The following PLEKHD1 variants were observed in gnomAD, a reference collection of about 807,000 sequenced individuals.
PLEKHD1 encodes pleckstrin homology domain-containing family D member 1.
In PLEKHD1, 51 loss-of-function variants were observed where a neutral mutation model predicts 69.2. That is an observed-to-expected ratio of 0.74 (90% CI 0.59 to 0.93). PLEKHD1 has a LOEUF of 0.93. Among genes scored for constraint, PLEKHD1 ranks in the 40% least tolerant of loss-of-function variants. The pLI is 0.00. For synonymous variants in PLEKHD1, 236 were observed against 244.7 expected (o/e 0.96, Z 0.33); for missense variants, 584 against 641.0 (o/e 0.91, Z 0.96).
chr14:69,517,885 C>T (rs1403138733), intron 6 of PLEKHD1, among the ~76,000 whole-genome samples: 1 of 152,154 alleles, frequency 6.6e-6, no homozygotes. Context: ...TACATAGAAC[C>T]ATGTCCCTGT....
intron 1 of PLEKHD1, among the ~76,000 whole-genome samples, chr14:69,487,547 G>C (rs1882681767): frequency 6.6e-6 from 1 of 151,750 alleles, no homozygotes; most frequent in South Asian, 2.1e-4. Context: ...TGGCCAGCTG[G>C]GTTCTATAAA....
upstream of PLEKHD1, among the ~76,000 whole-genome samples, chr14:69,483,280 C>T (rs913418971): frequency 6.6e-6 from 1 of 151,468 alleles, no homozygotes; most frequent in Non-Finnish European, 1.5e-5. Flanking sequence ...TAGCTAGAGT[C>T]ATAAAATGGG....
At chr14:69,468,436 T>G in the PLEKHD1 span, among the ~76,000 whole-genome samples, 1 of 152,216 alleles carries the variant, frequency 6.6e-6, no homozygotes, top group Non-Finnish European at 1.5e-5. Context: ...CCCTCAAATT[T>G]CAACTGTAAT....
intron 6 of PLEKHD1, among the ~76,000 whole-genome samples, chr14:69,506,777 C>G (rs61982435): frequency 6.6e-6 from 1 of 151,714 alleles, no homozygotes; most frequent in Admixed American, 6.6e-5. Flanking sequence ...TGTTGTACAT[C>G]CTCTGGATTT....
chr14:69,509,822 C>T (rs1268424400), intron 6 of PLEKHD1, among the ~76,000 whole-genome samples: 1 of 151,942 alleles, frequency 6.6e-6, no homozygotes, highest in Admixed American at 6.6e-5. Flanking sequence ...CCTGTAATCC[C>T]AGCTACTCAG....
In PLEKHD1 at chr14:69,527,883, C is replaced by G. The variant is rs762694161; in HGVS notation, c.1302C>G (p.Ile434Met). ...TCCATAAGGCAGCCACTCGCCGCAT[C>G]AAGAGCTGCCGCTTCCACCGACGCC... The part of the protein sequence containing the change: ...VYIHKAATRR[I>M]KSCRFHRRRS... Residue 434 changes from isoleucine (I) to methionine (M), a missense_variant, in exon 12 of 13, where the codon ATC becomes ATG. Transcript: ENST00000322564. 4 of 1,551,366 alleles carry G rather than the reference C, an allele frequency of 2.6e-6. No individual in the cohort carries two copies. Among genetic ancestry groups the G allele is most frequent in the East Asian group, 2.4e-5 (1 of 40,938 alleles).
upstream of PLEKHD1, among the ~76,000 whole-genome samples, chr14:69,482,864 T>G (rs2139485742): frequency 7.1e-6 from 1 of 141,004 alleles, no homozygotes. Flanking sequence ...AAGACCAGCC[T>G]GGGCAACATA....
At chr14:69,508,819 C>A (rs1883208836) in intron 6 of PLEKHD1, among the ~76,000 whole-genome samples, 1 of 152,168 alleles carries the variant, frequency 6.6e-6, no homozygotes, top group South Asian at 2.1e-4. Context: ...TCACAGCAAG[C>A]TTGTGAGACT....
At chr14:69,472,358 G>T in the PLEKHD1 span, among the ~76,000 whole-genome samples, 8 of 152,212 alleles carry the variant, frequency 5.3e-5, no homozygotes, top group Non-Finnish European at 8.8e-5. Context: ...TGTCTGGAAT[G>T]CTCTTCCCCC....
At chr14:69,491,882 A>C (rs1673296616) in intron 1 of PLEKHD1, among the ~76,000 whole-genome samples, 1 of 152,172 alleles carries the variant, frequency 6.6e-6, no homozygotes, top group Non-Finnish European at 1.5e-5. Context: ...GTGTCATCCC[A>C]GTTCCTGCTC....
At chr14:69,502,955 G>A (rs1270312067) in intron 6 of PLEKHD1, 76 bp downstream of exon 6, 5 of 1,511,884 alleles carry the variant, frequency 3.3e-6, no homozygotes, top group Non-Finnish European at 4.5e-6. Context: ...ATGATGCAGG[G>A]GAGCTGGGTG....
chr14:69,488,110 C>T (rs1481640621), intron 1 of PLEKHD1, among the ~76,000 whole-genome samples: 7 of 152,156 alleles, frequency 4.6e-5, no homozygotes, highest in Non-Finnish European at 1.0e-4. Flanking sequence ...TGCAGAGCAT[C>T]GGTGGGTCCC....
intron 6 of PLEKHD1, 78 bp from the exon 7 acceptor site, chr14:69,522,205 T>C: frequency 1.5e-6 from 2 of 1,342,338 alleles, no homozygotes; most frequent in South Asian, 1.3e-5. Context: ...AGAGGGTCCC[T>C]TGGGATAGAG....
intron 7 of PLEKHD1, among the ~76,000 whole-genome samples, chr14:69,523,815 T>G (rs73281449): frequency 0.02 from 2,970 of 152,218 alleles, 109 homozygotes; most frequent in African/African-American, 0.069. Flanking sequence ...GACTGAAGCT[T>G]GTGAAGAAGG....
intron 7 of PLEKHD1, 27 bp from the exon 8 acceptor site, chr14:69,524,202 G>A (rs1464449419): frequency 6.6e-7 from 1 of 1,525,662 alleles, no homozygotes; most frequent in Non-Finnish European, 8.9e-7. Flanking sequence ...AGTGGGCACT[G>A]CCATACCCAG....
chr14:69,513,252 TAAAA>T (rs1318327255), intron 6 of PLEKHD1, among the ~76,000 whole-genome samples: 5 of 148,026 alleles, frequency 3.4e-5, no homozygotes, highest in Non-Finnish European at 7.4e-5. Context: ...AATAATAAAA[TAAAA>T]TAAAATAAAA....
chr14:69,470,152 C>CT, the PLEKHD1 span, among the ~76,000 whole-genome samples: 2 of 152,010 alleles, frequency 1.3e-5, no homozygotes, highest in Non-Finnish European at 2.9e-5. Flanking sequence ...ACAAAGAAAA[C>CT]TAAGACAGGC....
chr14:69,484,808 T>C lies in PLEKHD1; in HGVS notation c.-158T>C. 2 of 822,364 alleles carry C rather than the reference T, an allele frequency of 2.4e-6. No individual in the cohort carries two copies. Among genetic ancestry groups the C allele is most frequent in the Non-Finnish European group, 3.6e-6 (2 of 549,508 alleles). The allele number at this position is 822,364 out of a possible 1,614,324, so 50.9% of individuals were successfully genotyped here. On this transcript the variant is annotated 5_prime_UTR_variant, in exon 1 of 13. Transcript: ENST00000322564. ...TGCGCCCCCTTGGTGCCGCGTCCAG[T>C]GCCCAGCGCGCTTTGATGCTGCAGC...
At chr14:69,499,228 C>G in intron 1 of PLEKHD1, among the ~76,000 whole-genome samples, 1 of 1,144 alleles carries the variant, frequency 8.7e-4, no homozygotes, top group Non-Finnish European at 3.2e-3. Flanking sequence ...CATACGTGCA[C>G]ACACACACAC....
Sources: gnomAD v4.1 joint callset for allele counts (sites outside exome capture counted in the v4.1 genomes callset) on GRCh38, gnomAD v4.1.1 for gene constraint, MANE v1.5 for transcripts, NCBI Gene and HGNC (gene_info 2026-07-23, HGNC 2026-07-21) for gene names.